The following CA8 variants were observed in gnomAD, a reference collection of about 807,000 sequenced individuals.
CA8 encodes the protein carbonic anhydrase-related protein.
A neutral mutation model predicts 41.4 loss-of-function variants in CA8; 22 were observed. The observed-to-expected ratio is 0.53, with a 90% CI of 0.38 to 0.76. The LOEUF (loss-of-function observed/expected upper bound fraction) is 0.76. Ranked by LOEUF, CA8 falls within the 30% of genes least tolerant of loss-of-function variation. The pLI is 0.00. For missense variants in CA8, 270 were observed against 352.8 expected, an observed-to-expected ratio of 0.77 and a Z score of 1.88; for synonymous variants, 121 against 130.6, an observed-to-expected ratio of 0.93 and a Z score of 0.50.
chr8:60,275,169 A>G (rs1804191612), intron 2 of CA8, among the ~76,000 whole-genome samples: 2 of 152,184 alleles, frequency 1.3e-5, no homozygotes, highest in African/African-American at 2.4e-5. Context: ...GACTCCTCCA[A>G]CAACATGGCC....
intron 3 of CA8, among the ~76,000 whole-genome samples, chr8:60,233,806 C>T (rs985711967): frequency 2.0e-5 from 3 of 152,008 alleles, no homozygotes; most frequent in Non-Finnish European, 2.9e-5. Context: ...TTTTTTTAAA[C>T]AAAACATTAA....
At chr8:60,207,687 T>C (rs992047522) in intron 8 of CA8, among the ~76,000 whole-genome samples, 2 of 152,240 alleles carry the variant, frequency 1.3e-5, no homozygotes, top group African/African-American at 4.8e-5. Flanking sequence ...ACCTCCACTG[T>C]TCCTATTCTA....
Position 60,226,774 on chromosome 8 carries a change from A to G in CA8, c.576+99T>C, listed in dbSNP as rs1422852457. On this transcript the variant is annotated intron_variant, in intron 5 of 8. Transcript: ENST00000317995. ...AACCACAAGGACAGCAGCTTTTCTGAGATCTGTGAGTCCTTCTAACACAGC... is the reference window on the plus strand; with the variant it reads ...AACCACAAGGACAGCAGCTTTTCTGGGATCTGTGAGTCCTTCTAACACAGC... 5.5e-6 allele frequency: 4 copies of G among 723,812 alleles called. No homozygotes were observed. The African/African-American group carries it at 7.0e-5, about 13-fold the overall frequency. 44.8% of individuals were successfully genotyped at this position (723,812 alleles called of 1,614,324 possible).
At chr8:60,260,228 A>C (rs1803686785) in intron 3 of CA8, among the ~76,000 whole-genome samples, 1 of 152,138 alleles carries the variant, frequency 6.6e-6, no homozygotes. Flanking sequence ...GACCGCAGTA[A>C]GCATCTCTGT....
chr8:60,227,765 TTAAA>T (rs747137660), intron 4 of CA8, among the ~76,000 whole-genome samples: 3 of 152,306 alleles, frequency 2.0e-5, no homozygotes, highest in African/African-American at 2.4e-5. Flanking sequence ...CCTTCTATTC[TTAAA>T]TAAATAATAA....
rs915764668 is a variant in CA8, at chr8:60,188,944, T to C, written c.*1077A>G. ...ACAAAATCCCTCCAAACTGGGACTA[T>C]GTTTTTGAAGTCATTCATTTTACAA... On this transcript the variant is annotated 3_prime_UTR_variant, in exon 9 of 9. Transcript: ENST00000317995. The C allele has an allele frequency of 3.3e-5, 5 of 152,224 alleles. No individual in the cohort carries two copies. The East Asian group carries it at 5.8e-4, about 18-fold the overall frequency. The allele number at this position is 152,224 out of a possible 1,614,324, so 9.4% of individuals were successfully genotyped here.
Position 60,255,509 on chromosome 8 carries a change from A to G in CA8, c.417+10416T>C, listed in dbSNP as rs73685406. ...TGGAAAATGCATTAACTCTGGAGCC[A>G]AATAAACTGGTTCCACTGAATAAAC... On this transcript the variant is annotated intron_variant, in intron 3 of 8. Coordinates refer to ENST00000317995, the MANE Select transcript of CA8 (RefSeq NM_004056.6). Among the ~76,000 whole-genome samples the G allele has an allele frequency of 1.2e-3, 177 of 152,344 alleles. 1 individual carries two copies. Among genetic ancestry groups the G allele is most frequent in the African/African-American group, 4.1e-3 (170 of 41,574 alleles).
In CA8 at chr8:60,196,578, C is replaced by T. The variant is rs145325783; in HGVS notation, c.*36-6593G>A. 2.8e-4 allele frequency among the ~76,000 whole-genome samples: 43 copies of T among 152,252 alleles called. 2 individuals carry two copies. The East Asian group carries it at 7.7e-3, about 27-fold the overall frequency. ...AAACTTTAATAAGCATAGACCTATG[C>T]ATTTTTCCTTGATATAAAGATTCAA... On this transcript the variant is annotated intron_variant, in intron 8 of 8. Coordinates refer to ENST00000317995, the MANE Select transcript of CA8 (RefSeq NM_004056.6).
intron 7 of CA8, among the ~76,000 whole-genome samples, chr8:60,221,189 A>C (rs1483984224): frequency 1.3e-5 from 2 of 152,190 alleles, no homozygotes; most frequent in Admixed American, 1.3e-4. Context: ...CCTGTCCTTC[A>C]CCAGACTAAC....
At chr8:60,250,232 C>T (rs1014801459) in intron 3 of CA8, among the ~76,000 whole-genome samples, 4 of 152,208 alleles carry the variant, frequency 2.6e-5, no homozygotes, top group African/African-American at 9.7e-5. Flanking sequence ...TGCAATAAAT[C>T]TCATTCTCTG....
chr8:60,250,328 A>G (rs1808400651), intron 3 of CA8, among the ~76,000 whole-genome samples: 2 of 152,212 alleles, frequency 1.3e-5, no homozygotes, highest in South Asian at 4.1e-4. Context: ...AATTCAAAAC[A>G]TATCAAATTA....
chr8:60,203,386 T>C (rs1371784330), intron 8 of CA8, among the ~76,000 whole-genome samples: 3 of 152,228 alleles, frequency 2.0e-5, no homozygotes, highest in Non-Finnish European at 4.4e-5. Flanking sequence ...ATATGAACTC[T>C]TGGTATCTGC....
At chr8:60,248,436 C>T (rs1429164935) in intron 3 of CA8, among the ~76,000 whole-genome samples, 2 of 152,048 alleles carry the variant, frequency 1.3e-5, no homozygotes. Flanking sequence ...GTATAAAGTG[C>T]AAGGAAGGGG....
chr8:60,246,201 T>C (rs536757104), intron 3 of CA8, among the ~76,000 whole-genome samples: 1 of 152,328 alleles, frequency 6.6e-6, no homozygotes, highest in South Asian at 2.1e-4. Flanking sequence ...ATCTAAAGCA[T>C]TCTCAAAAAC....
Position 60,215,109 on chromosome 8 carries a change from A to G in CA8, c.739-6190T>C, listed in dbSNP as rs1806970036. Among the ~76,000 whole-genome samples the G allele has an allele frequency of 2.0e-5, 3 of 152,146 alleles. No individual in the cohort carries two copies. The South Asian group carries it at 6.2e-4, about 32-fold the overall frequency. ...CTATACCATAATACCCTGTTCTATCAATTCTAAGATTAATATGTATTCACA... is the reference window on the plus strand; with the variant it reads ...CTATACCATAATACCCTGTTCTATCGATTCTAAGATTAATATGTATTCACA... On this transcript the variant is annotated intron_variant, in intron 7 of 8. Transcript: ENST00000317995.
At chr8:60,225,376 A>G (rs1807396734) in intron 5 of CA8, among the ~76,000 whole-genome samples, 1 of 152,186 alleles carries the variant, frequency 6.6e-6, no homozygotes, top group African/African-American at 2.4e-5. Context: ...TATTTCAAAC[A>G]TTAAAGAATC....
intron 7 of CA8, among the ~76,000 whole-genome samples, chr8:60,217,583 C>T (rs1379555791): frequency 6.6e-6 from 1 of 152,194 alleles, no homozygotes; most frequent in Admixed American, 6.5e-5. Context: ...CTTCACCCAC[C>T]ACCTGTATAC....
intron 7 of CA8, among the ~76,000 whole-genome samples, chr8:60,215,385 C>T (rs1018816527): frequency 2.7e-5 from 3 of 111,636 alleles, no homozygotes; most frequent in African/African-American, 3.0e-5. Context: ...ACACACACAC[C>T]GGATCCCCAC....
intron 3 of CA8, among the ~76,000 whole-genome samples, chr8:60,251,664 G>A (rs1808454506): frequency 6.6e-6 from 1 of 152,022 alleles, no homozygotes; most frequent in Non-Finnish European, 1.5e-5. Context: ...TCCTATCTTT[G>A]TCCATACCCC....
Sources: allele counts gnomAD v4.1 joint callset (sites outside exome capture counted in the v4.1 genomes callset), GRCh38; gene constraint gnomAD v4.1.1; transcripts MANE v1.5; gene names NCBI Gene and HGNC (gene_info 2026-07-23, HGNC 2026-07-21).